ADGRF1: variants seen among roughly 807,000 people sequenced by gnomAD.
ADGRF1 encodes the protein adhesion G protein-coupled receptor F1.
In ADGRF1, 85 loss-of-function variants were observed where a neutral mutation model predicts 87.2. That is an observed-to-expected ratio of 0.97 (90% CI 0.82 to 1.17). The LOEUF (loss-of-function observed/expected upper bound fraction) is 1.17, where lower values mean the gene tolerates loss of function less well. Ranked by LOEUF, ADGRF1 falls within the 50% of genes most tolerant of loss-of-function variation. The pLI is 0.00. For missense variants in ADGRF1, 1,169 were observed against 1,077.2 expected, an observed-to-expected ratio of 1.09 and a Z score of -1.19; for synonymous variants, 430 against 408.8, an observed-to-expected ratio of 1.05 and a Z score of -0.63.
chr6:47,037,135 A>G (rs1780609395), intron 1 of ADGRF1, among the ~76,000 whole-genome samples: 1 of 152,058 alleles, frequency 6.6e-6, no homozygotes. Context: ...CTGTTTCATC[A>G]CTCTATCCAC....
intron 1 of ADGRF1, 138 bp from the exon 2 acceptor site, chr6:47,029,242 C>A (rs530609476): frequency 1.0e-5 from 6 of 591,690 alleles, no homozygotes; most frequent in African/African-American, 3.7e-5. Flanking sequence ...TCCACGGAAC[C>A]TGTGACATCA....
At chr6:47,014,636 T>C (rs375963972) in intron 9 of ADGRF1, 45 bp downstream of exon 9, 14 of 1,592,514 alleles carry the variant, frequency 8.8e-6, no homozygotes, top group Non-Finnish European at 1.2e-5. Flanking sequence ...ATTGCCACTC[T>C]GAAACTCAAG....
At chr6:47,011,952 C>T in intron 10 of ADGRF1, 55 bp downstream of exon 10, 2 of 1,501,764 alleles carry the variant, frequency 1.3e-6, no homozygotes, top group Non-Finnish European at 1.8e-6. Flanking sequence ...CTTTGTCATT[C>T]CTCCTACAGG....
intron 5 of ADGRF1, among the ~76,000 whole-genome samples, chr6:47,022,797 C>A (rs887465462): frequency 2.1e-4 from 29 of 135,050 alleles, no homozygotes; most frequent in African/African-American, 8.7e-4. Flanking sequence ...TCTTTCTTTT[C>A]TTTTTTCTTT....
In ADGRF1 at chr6:47,012,147, A is replaced by G; in HGVS notation, c.976T>C (p.Phe326Leu). Residue 326 changes from phenylalanine to leucine, a missense_variant, in exon 10 of 15, where the codon TTC becomes CTC. Physicochemically the swap from Phe to Leu is conservative, Grantham distance 22. Transcript: ENST00000371253. ...GNATEAAVSSFVQNLSVIIRQ... is the reference protein window; with the variant it reads ...GNATEAAVSSLVQNLSVIIRQ... ...ATGATGACAGAAAGATTTTGCACGA[A>G]GGATGACACAGCTGCCTCAGTGGCA... 1 of 1,614,094 alleles carries G rather than the reference A, an allele frequency of 6.2e-7. No homozygotes were observed. Among genetic ancestry groups the G allele is most frequent in the Non-Finnish European group, 8.5e-7 (1 of 1,179,928 alleles).
Position 47,009,778 on chromosome 6 carries a change from T to C in ADGRF1, c.1657A>G (p.Asn553Asp). The change falls in exon 11 of 15, where the codon AAT becomes GAT. Residue 553 changes from asparagine to aspartate, a missense_variant. Coordinates refer to ENST00000371253, the MANE Select transcript of ADGRF1 (RefSeq NM_153840.4). ...QWNDAGCHLV[N>D]ETQDIVTCQC... ...CACGTCACGATGTCTTGAGTTTCAT[T>C]CACTAGGTGGCAGCCTGCATCGTTC... 6.2e-7 allele frequency: 1 copy of C among 1,614,196 alleles called. No individual in the cohort carries two copies. Among genetic ancestry groups the C allele is most frequent in the Non-Finnish European group, 8.5e-7 (1 of 1,180,020 alleles).
intron 7 of ADGRF1, chr6:47,017,101 A>G (rs138295154): frequency 6.5e-6 from 1 of 153,626 alleles, no homozygotes; most frequent in African/African-American, 2.4e-5. Context: ...AAGGCCAGCT[A>G]TGCAAAGAAC....
intron 1 of ADGRF1, among the ~76,000 whole-genome samples, chr6:47,031,345 C>CTG (rs1780422169): frequency 7.7e-6 from 1 of 129,778 alleles, no homozygotes; most frequent in Non-Finnish European, 1.6e-5. Context: ...CTCTCTCTCT[C>CTG]TCTCTGTCTC....
In ADGRF1 at chr6:47,009,567, C is replaced by G; in HGVS notation, c.1868G>C (p.Arg623Pro). The change falls in exon 11 of 15, where the codon CGT (arginine) becomes CCT (proline). Residue 623 changes from arginine to proline, a missense_variant. Arg to Pro is a moderately radical substitution (Grantham distance 103). Coordinates refer to ENST00000371253, the MANE Select transcript of ADGRF1 (RefSeq NM_153840.4). ...QIKKSQTSHT[R>P]RICMVNIALS... ...GGCTATGTTCACCATGCAAATACGACGTGTGTGAGAGGTTTGGCTTTTTTT... is the reference window on the plus strand; with the variant it reads ...GGCTATGTTCACCATGCAAATACGAGGTGTGTGAGAGGTTTGGCTTTTTTT... The G allele has an allele frequency of 6.2e-7, 1 of 1,614,060 alleles. No individual in the cohort carries two copies. The highest frequency in any genetic ancestry group is 8.5e-7 in the Non-Finnish European group (1 of 1,179,994).
At chr6:47,012,358 A>G (rs564105446) in intron 9 of ADGRF1, 163 bp from the exon 10 acceptor site, 13 of 1,315,152 alleles carry the variant, frequency 9.9e-6, no homozygotes, top group Middle Eastern at 2.5e-4. Flanking sequence ...AGTGATTTCT[A>G]TATTTTAGAC....
chr6:47,023,746 T>C (rs2113897273), intron 5 of ADGRF1, among the ~76,000 whole-genome samples: 1 of 152,296 alleles, frequency 6.6e-6, no homozygotes, highest in East Asian at 1.9e-4. Context: ...ACTCAAGCAG[T>C]TCCTCTTTTT....
At chr6:47,031,363 C>T (rs898152449) in intron 1 of ADGRF1, among the ~76,000 whole-genome samples, 1 of 147,608 alleles carries the variant, frequency 6.8e-6, no homozygotes, top group East Asian at 2.0e-4. Context: ...CTCTCTCTCT[C>T]TCTCTCTCTC....
At chr6:47,004,141 G>A (rs1445103570) in intron 13 of ADGRF1, among the ~76,000 whole-genome samples, 3 of 152,118 alleles carry the variant, frequency 2.0e-5, no homozygotes, top group Non-Finnish European at 4.4e-5. Context: ...TCACTGCTGT[G>A]CTGGGTCCAC....
At chr6:47,021,178 T>C (rs1780036027) in intron 6 of ADGRF1, among the ~76,000 whole-genome samples, 1 of 152,184 alleles carries the variant, frequency 6.6e-6, no homozygotes, top group South Asian at 2.1e-4. Context: ...TATTAAGTAT[T>C]TGCTCGGGTC....
intron 1 of ADGRF1, among the ~76,000 whole-genome samples, chr6:47,031,922 G>C (rs1323181841): frequency 6.6e-6 from 1 of 151,954 alleles, no homozygotes; most frequent in African/African-American, 2.4e-5. Context: ...TATTGTCCAA[G>C]CTGGTCTTAA....
chr6:47,012,522 G>T, intron 9 of ADGRF1: 1 of 609,288 alleles, frequency 1.6e-6, no homozygotes, highest in Non-Finnish European at 2.1e-6. Context: ...ACTGAAACTT[G>T]CAAAGATTTA....
At position 47,018,444 on chromosome 6, in the gene ADGRF1, T is replaced by C. The variant is rs1244708402; in HGVS notation, c.612-1676A>G. On this transcript the variant is annotated intron_variant, in intron 7 of 14. Transcript: ENST00000371253. ...CTTCTGCTCACAATGTATAAATAAG[T>C]GCAGACACCCTTTTGCTTAATGATG... 8 of 1,289,640 alleles carry C rather than the reference T, an allele frequency of 6.2e-6. No homozygotes were observed. The East Asian group carries it at 1.7e-4, about 27-fold the overall frequency. The allele number at this position is 1,289,640 out of a possible 1,614,324, so 79.9% of individuals were successfully genotyped here.
At position 47,033,721 on chromosome 6, in the gene ADGRF1, C is replaced by T. The variant is rs149199766; in HGVS notation, c.-43-4617G>A. Among the ~76,000 whole-genome samples the T allele has an allele frequency of 4.6e-3, 697 of 152,344 alleles. 3 individuals are homozygous for T. The highest frequency in any genetic ancestry group is 0.016 in the African/African-American group (672 of 41,584). On this transcript the variant is annotated intron_variant, in intron 1 of 14. Transcript: ENST00000371253. ...AAAACCTTGGTTTTGCTTTATCTCTCATTTTATCAGTTTTTGATAACATTT... is the reference window on the plus strand; with the variant it reads ...AAAACCTTGGTTTTGCTTTATCTCTTATTTTATCAGTTTTTGATAACATTT...
chr6:47,020,035 A>C lies in ADGRF1; in HGVS notation c.611+696T>G, dbSNP rs1779997387. ...GGCATCATATCTCCTGTAGTTGCTGAAGGAGAAAATCCACCCTTCGACAAC... is the reference window on the plus strand; with the variant it reads ...GGCATCATATCTCCTGTAGTTGCTGCAGGAGAAAATCCACCCTTCGACAAC... On this transcript the variant is annotated intron_variant, in intron 7 of 14. Transcript: ENST00000371253. The C allele has an allele frequency of 1.6e-5, 16 of 993,556 alleles. 1 individual carries two copies. In the South Asian group the frequency reaches 7.5e-4, roughly 46 times the overall value. The allele number at this position is 993,556 out of a possible 1,614,324, so 61.5% of individuals were successfully genotyped here.
Sources: gnomAD v4.1 joint callset for allele counts (sites outside exome capture counted in the v4.1 genomes callset) on GRCh38, gnomAD v4.1.1 for gene constraint, MANE v1.5 for transcripts, NCBI Gene and HGNC (gene_info 2026-07-23, HGNC 2026-07-21) for gene names.